Variants in MGST1 observed in about 807,000 individuals in gnomAD.
The protein encoded by MGST1 is glutathione S-transferase 12.
Under a neutral mutation model 8.9 loss-of-function variants are expected in MGST1, and 5 were observed. The observed-to-expected ratio is 0.56, with a 90% confidence interval of 0.29 to 1.19. MGST1 has a LOEUF of 1.19. MGST1 is among the 50% of genes most tolerant of loss of function. The pLI is 0.08. For synonymous variants in MGST1, 54 were observed against 67.8 expected, an observed-to-expected ratio of 0.80 and a Z score of 1.00; for missense variants, 182 against 187.4, an observed-to-expected ratio of 0.97 and a Z score of 0.17.
chr12:16,571,467 T>C (rs1942810462), intron 4 of MGST1, among the ~76,000 whole-genome samples: 1 of 152,098 alleles, frequency 6.6e-6, no homozygotes, highest in African/African-American at 2.4e-5. Context: ...ACACAATCAT[T>C]TGAAAAAATA....
chr12:16,439,367 G>A (rs1941018637), downstream of MGST1, among the ~76,000 whole-genome samples: 2 of 151,868 alleles, frequency 1.3e-5, no homozygotes, highest in South Asian at 2.1e-4. Context: ...AGAAAAAAAT[G>A]TGCCAGGAAA....
downstream of MGST1, among the ~76,000 whole-genome samples, chr12:16,439,922 A>T (rs965975229): frequency 4.6e-5 from 7 of 151,806 alleles, no homozygotes; most frequent in African/African-American, 7.2e-5. Context: ...TCATTTTAAC[A>T]TCAAAGCTCA....
intron 1 of MGST1, chr12:16,399,669 A>G: frequency 1.3e-6 from 2 of 1,551,964 alleles, no homozygotes; most frequent in South Asian, 1.1e-5. Context: ...AAAAGACCAG[A>G]CACCTTGTTC....
chr12:16,366,330 G>C (rs1565440089), downstream of MGST1, among the ~76,000 whole-genome samples: 1 of 152,110 alleles, frequency 6.6e-6, no homozygotes, highest in East Asian at 1.9e-4. This position sits in a 1 kb window ranked among gnomAD's most constrained non-coding sequence, Gnocchi z 4.0. Flanking sequence ...TTTAGATACA[G>C]GGGGATTTAT....
intron 4 of MGST1, among the ~76,000 whole-genome samples, chr12:16,453,798 T>G (rs1205738968): frequency 1.3e-5 from 2 of 151,438 alleles, no homozygotes; most frequent in African/African-American, 4.9e-5. Context: ...TTTCCCCATG[T>G]GCGTGTCTAT....
At chr12:16,402,372 G>T in intron 1 of MGST1, 1 of 1,604,122 alleles carries the variant, frequency 6.2e-7, no homozygotes, top group Non-Finnish European at 8.5e-7. Flanking sequence ...TTGCTGTACA[G>T]TCTCTTCACT....
At chr12:16,423,966 A>G (rs1244353847) in intron 1 of MGST1, among the ~76,000 whole-genome samples, 1 of 152,056 alleles carries the variant, frequency 6.6e-6, no homozygotes, top group Non-Finnish European at 1.5e-5. Flanking sequence ...CTCCCAATAT[A>G]TCTAATGTAT....
chr12:16,551,149 CT>C (rs2137242958), intron 4 of MGST1: 1 of 977,742 alleles, frequency 1.0e-6, no homozygotes, highest in African/African-American at 1.6e-5. Context: ...TGTGTCAATT[CT>C]TATGTACATG....
At chr12:16,387,814 C>A (rs935031750) in intron 1 of MGST1, among the ~76,000 whole-genome samples, 1 of 151,724 alleles carries the variant, frequency 6.6e-6, no homozygotes, top group Non-Finnish European at 1.5e-5. Flanking sequence ...CGTGAGCCGC[C>A]GCACCCTGCT....
At position 16,586,598 on chromosome 12, in the gene MGST1, C is replaced by T. The variant is rs1004366995; in HGVS notation, n.483-2930C>T. On this transcript the variant is annotated intron_variant and non_coding_transcript_variant, in intron 4 of 4. Transcript: ENST00000538857. The surrounding 1 kb of genome is among the most constrained non-coding windows in gnomAD (Gnocchi z 4.3). ...AAAGACACTGCATTTCATCTTTGGA[C>T]GTCCTTTCTTGGCAGGACCACTTGT... Among the ~76,000 whole-genome samples the T allele has an allele frequency of 2.6e-5, 4 of 152,172 alleles. No homozygotes were observed. The highest frequency in any genetic ancestry group is 4.4e-5 in the Non-Finnish European group (3 of 68,026).
At chr12:16,478,135 T>C (rs1326531353) in intron 4 of MGST1, among the ~76,000 whole-genome samples, 1 of 152,196 alleles carries the variant, frequency 6.6e-6, no homozygotes, top group Non-Finnish European at 1.5e-5. Flanking sequence ...GTTCAAGTAA[T>C]TCTTCTGCCT....
intron 1 of MGST1, among the ~76,000 whole-genome samples, chr12:16,384,086 C>CA (rs1940482568): frequency 6.6e-6 from 1 of 151,968 alleles, no homozygotes; most frequent in Non-Finnish European, 1.5e-5. Context: ...TCCTCTGGTA[C>CA]AAAAAGAGGG....
At chr12:16,518,537 A>G (rs1296161127) in intron 4 of MGST1, among the ~76,000 whole-genome samples, 1 of 152,164 alleles carries the variant, frequency 6.6e-6, no homozygotes, top group Admixed American at 6.6e-5. Flanking sequence ...CACTAAAAAT[A>G]TTTATTCTGT....
downstream of MGST1, among the ~76,000 whole-genome samples, chr12:16,381,755 C>T (rs1417115474): frequency 2.6e-5 from 4 of 152,178 alleles, no homozygotes; most frequent in Non-Finnish European, 5.9e-5. Flanking sequence ...TCCATTCTCC[C>T]CATCACTTTC....
intron 4 of MGST1, among the ~76,000 whole-genome samples, chr12:16,452,970 C>T (rs539769142): frequency 6.6e-6 from 1 of 151,904 alleles, no homozygotes; most frequent in East Asian, 1.9e-4. Context: ...AGGCATTGGC[C>T]AACATATATT....
intron 4 of MGST1, among the ~76,000 whole-genome samples, chr12:16,465,775 T>C (rs1240483381): frequency 6.6e-6 from 1 of 151,986 alleles, no homozygotes; most frequent in Non-Finnish European, 1.5e-5. Flanking sequence ...TCCTCCTCCT[T>C]CCCCCACCCC....
At chr12:16,385,799 T>C (rs1002267093) in intron 1 of MGST1, among the ~76,000 whole-genome samples, 7 of 152,096 alleles carry the variant, frequency 4.6e-5, no homozygotes, top group Non-Finnish European at 1.0e-4. Flanking sequence ...CAAATGCTAA[T>C]TGATAGATCA....
At chr12:16,494,907 A>T (rs1379491932) in intron 4 of MGST1, among the ~76,000 whole-genome samples, 1 of 152,138 alleles carries the variant, frequency 6.6e-6, no homozygotes, top group Non-Finnish European at 1.5e-5. Context: ...TCTTATATCA[A>T]TGTTTACTGT....
At chr12:16,433,607 T>C (rs543109149) in intron 1 of MGST1, among the ~76,000 whole-genome samples, 21 of 152,228 alleles carry the variant, frequency 1.4e-4, no homozygotes, top group African/African-American at 4.8e-4. Context: ...CCACCCACAT[T>C]AGGGAGGCCA....
Sources: allele counts gnomAD v4.1 joint callset (sites outside exome capture counted in the v4.1 genomes callset), GRCh38; gene constraint gnomAD v4.1.1; non-coding constraint Gnocchi (gnomAD v3.1); transcripts MANE v1.5; gene names NCBI Gene and HGNC (gene_info 2026-07-23, HGNC 2026-07-21).